Variants in STK38L observed in about 807,000 individuals in gnomAD.
STK38L encodes the protein serine/threonine kinase 38 like.
Under a neutral mutation model 59.7 loss-of-function variants are expected in STK38L, and 28 were observed. The ratio of observed to expected loss-of-function variants is 0.47; its 90% CI spans 0.35 to 0.64. STK38L has a LOEUF of 0.64. Ranked by LOEUF, STK38L falls within the 30% of genes least tolerant of loss-of-function variation. STK38L has a pLI of 0.01. For missense variants in STK38L, 314 were observed against 555.8 expected (o/e 0.56, Z 4.37); for synonymous variants, 162 against 176.8 (o/e 0.92, Z 0.66).
Position 27,259,855 on chromosome 12 carries a change from T to G in STK38L, c.-12+15523T>G, listed in dbSNP as rs548486251. On this transcript the variant is annotated intron_variant, in intron 1 of 13. Coordinates refer to ENST00000389032, the MANE Select transcript of STK38L (RefSeq NM_015000.4). The stretch of plus-strand genomic sequence containing the variant: ...GTGTTTCTTTTATAGGCATCCATGT[T>G]ATGTGTCCCTCCTTTCTTTTTCTGT... 2.6e-5 allele frequency among the ~76,000 whole-genome samples: 4 copies of G among 152,350 alleles called. No homozygotes were observed. In the East Asian group the frequency reaches 5.8e-4, roughly 22 times the overall value.
At chr12:27,267,143 A>G (rs1437178172) in intron 1 of STK38L, among the ~76,000 whole-genome samples, 1 of 152,130 alleles carries the variant, frequency 6.6e-6, no homozygotes, top group Non-Finnish European at 1.5e-5. Flanking sequence ...TAATGAATTC[A>G]TTATGTAAAT....
chr12:27,250,687 A>T (rs564902948), intron 1 of STK38L, among the ~76,000 whole-genome samples: 199 of 152,220 alleles, frequency 1.3e-3, no homozygotes, highest in South Asian at 0.012. Flanking sequence ...ACAGGTAGAT[A>T]GTAAGTGGTA....
At chr12:27,245,196 G>A (rs12229515) in intron 1 of STK38L, among the ~76,000 whole-genome samples, 9,343 of 152,276 alleles carry the variant, frequency 0.061, 385 homozygotes, top group Non-Finnish European at 0.095. Context: ...AGTGGCTCTG[G>A]AAGTAGTGGC....
chr12:27,321,439 G>A (rs1944725866), intron 12 of STK38L, among the ~76,000 whole-genome samples: 1 of 152,142 alleles, frequency 6.6e-6, no homozygotes, highest in Admixed American at 6.5e-5. Context: ...CTTCACCTAT[G>A]TGCCCCTTAT....
chr12:27,295,639 CAGAA>C (rs1375528908), intron 1 of STK38L, among the ~76,000 whole-genome samples: 2 of 151,796 alleles, frequency 1.3e-5, no homozygotes, highest in South Asian at 2.1e-4. Flanking sequence ...AAAAATGAAT[CAGAA>C]AGAGTTCTTA....
chr12:27,281,422 A>G (rs947103592), intron 1 of STK38L, among the ~76,000 whole-genome samples: 15 of 152,230 alleles, frequency 9.9e-5, no homozygotes, highest in Non-Finnish European at 1.9e-4. Context: ...GGTTGTAAAA[A>G]GTAGGCATGG....
intron 1 of STK38L, among the ~76,000 whole-genome samples, chr12:27,271,827 G>A (rs1943430287): frequency 6.6e-6 from 1 of 152,156 alleles, no homozygotes. Context: ...AGCCTCCCGA[G>A]TAGCTGGGAC....
chr12:27,279,349 A>G (rs1278505927), intron 1 of STK38L, among the ~76,000 whole-genome samples: 1 of 152,204 alleles, frequency 6.6e-6, no homozygotes, highest in Non-Finnish European at 1.5e-5. Context: ...GAGTCTCAAA[A>G]TGGACTGTTT....
intron 1 of STK38L, among the ~76,000 whole-genome samples, chr12:27,282,420 A>G (rs1943680183): frequency 6.6e-6 from 1 of 152,358 alleles, no homozygotes; most frequent in Admixed American, 6.5e-5. Context: ...TTCAATAGAA[A>G]AGTAGGCAAC....
At chr12:27,276,392 A>G (rs190355388) in intron 1 of STK38L, among the ~76,000 whole-genome samples, 2 of 152,288 alleles carry the variant, frequency 1.3e-5, no homozygotes, top group East Asian at 1.9e-4. Context: ...TGAAGACACA[A>G]CTGCAGAAAT....
At position 27,314,489 on chromosome 12, in the gene STK38L, C is replaced by T. The variant is rs1944537193; in HGVS notation, c.518-15C>T. 3 of 1,501,154 alleles carry T rather than the reference C, an allele frequency of 2.0e-6. No individual in the cohort carries two copies. Among genetic ancestry groups the T allele is most frequent in the Non-Finnish European group, 2.7e-6 (3 of 1,122,062 alleles). The allele number at this position is 1,501,154 out of a possible 1,614,324, so 93.0% of individuals were successfully genotyped here. A position where few individuals can be genotyped will look rare whatever the true frequency, so the allele number is the denominator to read the frequency against. ...GCATTTTCAATAATAATATATTTGACTATCCTTTATTTAGGTGACATGATG... is the reference window on the plus strand; with the variant it reads ...GCATTTTCAATAATAATATATTTGATTATCCTTTATTTAGGTGACATGATG... On this transcript the variant is annotated splice_polypyrimidine_tract_variant and intron_variant, in intron 6 of 13. Coordinates refer to ENST00000389032, the MANE Select transcript of STK38L (RefSeq NM_015000.4).
At chr12:27,251,266 G>A (rs1451553488) in intron 1 of STK38L, among the ~76,000 whole-genome samples, 1 of 152,106 alleles carries the variant, frequency 6.6e-6, no homozygotes, top group Non-Finnish European at 1.5e-5. Flanking sequence ...CTTATAGACA[G>A]GGATTTACTC....
chr12:27,255,995 G>A (rs1943084254), intron 1 of STK38L, among the ~76,000 whole-genome samples: 1 of 152,098 alleles, frequency 6.6e-6, no homozygotes, highest in Admixed American at 6.5e-5. Context: ...TCTCTATTTG[G>A]TTCTTAAGCT....
intron 1 of STK38L, among the ~76,000 whole-genome samples, chr12:27,260,821 T>C (rs1405438464): frequency 1.3e-5 from 2 of 152,230 alleles, no homozygotes; most frequent in Admixed American, 1.3e-4. Flanking sequence ...GTGTCATTTG[T>C]ATTTTTATAC....
At position 27,314,622 on chromosome 12, in the gene STK38L, G is replaced by A; in HGVS notation, c.636G>A (p.Arg212=). The part of the protein sequence containing the change: ...DAIHQLGFIH[R]DIKPDNLLLD... ...TCCACCAGTTGGGTTTCATCCATCGGGATATTAAGCCAGACAACCTTTTAT... is the reference window on the plus strand; with the variant it reads ...TCCACCAGTTGGGTTTCATCCATCGAGATATTAAGCCAGACAACCTTTTAT... Residue 212 remains arginine, a synonymous_variant, in exon 7 of 14, where the codon CGG becomes CGA. Transcript: ENST00000389032. 1.2e-6 allele frequency: 2 copies of A among 1,607,176 alleles called. No individual in the cohort carries two copies. Among genetic ancestry groups the A allele is most frequent in the Non-Finnish European group, 8.5e-7 (1 of 1,177,002 alleles).
At chr12:27,252,253 A>G (rs1942991774) in intron 1 of STK38L, among the ~76,000 whole-genome samples, 1 of 152,208 alleles carries the variant, frequency 6.6e-6, no homozygotes, top group Non-Finnish European at 1.5e-5. Flanking sequence ...TGCTGGGATT[A>G]CAGGCATGAG....
chr12:27,245,488 AAGCCCATTTTTGCTTCCTC>A (rs1242483714), intron 1 of STK38L, among the ~76,000 whole-genome samples: 1 of 152,116 alleles, frequency 6.6e-6, no homozygotes. Flanking sequence ...TATTGTACTT[AAGCCCATTTTTGCTTCCTC>A]AGTACAGATT....
At chr12:27,283,051 G>A (rs1245895564) in intron 1 of STK38L, among the ~76,000 whole-genome samples, 1 of 152,174 alleles carries the variant, frequency 6.6e-6, no homozygotes, top group Non-Finnish European at 1.5e-5. Context: ...AAAGCACAGT[G>A]TCTAGCACAA....
intron 1 of STK38L, among the ~76,000 whole-genome samples, chr12:27,246,836 A>G (rs887449970): frequency 6.6e-6 from 1 of 152,156 alleles, no homozygotes; most frequent in African/African-American, 2.4e-5. Flanking sequence ...AGGGAGAGAA[A>G]TGAAAGGCAA....
Sources: gnomAD v4.1 joint callset for allele counts (sites outside exome capture counted in the v4.1 genomes callset) on GRCh38, gnomAD v4.1.1 for gene constraint, MANE v1.5 for transcripts, NCBI Gene and HGNC (gene_info 2026-07-23, HGNC 2026-07-21) for gene names.